Variants in IQCK observed in about 807,000 individuals in gnomAD.
IQCK encodes the protein IQ domain-containing protein K.
In IQCK, 29 loss-of-function variants were observed where a neutral mutation model predicts 28.1. The observed-to-expected ratio is 1.03, with a 90% CI of 0.77 to 1.41. IQCK has a LOEUF of 1.41. Ranked by LOEUF, IQCK falls within the 40% of genes most tolerant of loss-of-function variation. The probability of loss-of-function intolerance (pLI) is 0.00; values close to 1 mark genes in which losing one functional copy is unlikely to be tolerated. For synonymous variants in IQCK, 113 were observed against 115.1 expected, an observed-to-expected ratio of 0.98 and a Z score of 0.12; for missense variants, 359 against 314.7, an observed-to-expected ratio of 1.14 and a Z score of -1.07.
At chr16:19,745,571 G>A (rs746771945) in intron 4 of IQCK, among the ~76,000 whole-genome samples, 23 of 152,176 alleles carry the variant, frequency 1.5e-4, no homozygotes, top group Admixed American at 2.0e-4. Context: ...TCATAGCATT[G>A]TATAGTGTGC....
chr16:19,727,130 C>CA (rs540006290), intron 1 of IQCK, among the ~76,000 whole-genome samples: 2,880 of 98,834 alleles, frequency 0.029, 61 homozygotes, highest in African/African-American at 0.078. Context: ...GACTCGGTCT[C>CA]AAAAAAAAAA....
intron 1 of IQCK, 134 bp downstream of exon 1, chr16:19,718,621 C>G (rs1699441293): frequency 1.3e-6 from 1 of 744,758 alleles, no homozygotes; most frequent in African/African-American, 1.9e-5. Flanking sequence ...GCCCGGGCTC[C>G]GCATTTTACG....
At chr16:19,785,157 A>G (rs1051068154) in intron 6 of IQCK, among the ~76,000 whole-genome samples, 27 of 152,226 alleles carry the variant, frequency 1.8e-4, no homozygotes, top group African/African-American at 6.3e-4. Context: ...CCCAAGGTGC[A>G]TTTGAGCAAA....
intron 4 of IQCK, among the ~76,000 whole-genome samples, chr16:19,760,533 AAT>A (rs2055122496): frequency 6.6e-6 from 1 of 152,204 alleles, no homozygotes; most frequent in Non-Finnish European, 1.5e-5. Context: ...TCCCGTTTCC[AAT>A]ACAGTCATAT....
chr16:19,777,281 G>C (rs1474989104), intron 6 of IQCK, among the ~76,000 whole-genome samples: 1 of 152,142 alleles, frequency 6.6e-6, no homozygotes, highest in Non-Finnish European at 1.5e-5. Flanking sequence ...AAACAAAAGT[G>C]TCACTGTGTC....
intron 4 of IQCK, among the ~76,000 whole-genome samples, chr16:19,757,899 A>G (rs2055074932): frequency 6.6e-6 from 1 of 152,130 alleles, no homozygotes; most frequent in Admixed American, 6.5e-5. Flanking sequence ...CCATCCCTCT[A>G]TTCATTCATC....
At chr16:19,728,609 T>C (rs189316108) in intron 1 of IQCK, among the ~76,000 whole-genome samples, 2 of 152,320 alleles carry the variant, frequency 1.3e-5, no homozygotes, top group Non-Finnish European at 2.9e-5. Flanking sequence ...CTTGGAAAAG[T>C]ATCCCAACCC....
intron 4 of IQCK, among the ~76,000 whole-genome samples, chr16:19,750,891 G>T (rs1479056706): frequency 1.3e-5 from 2 of 152,216 alleles, no homozygotes; most frequent in African/African-American, 4.8e-5. Context: ...AGGACAGTCT[G>T]CGAGGAAGAG....
At chr16:19,852,397 C>T (rs958074958) in intron 9 of IQCK, among the ~76,000 whole-genome samples, 1 of 149,594 alleles carries the variant, frequency 6.7e-6, no homozygotes, top group Non-Finnish European at 1.5e-5. Context: ...CGAGACCTCT[C>T]TACAACATTT....
At chr16:19,755,640 A>G (rs893239641) in intron 4 of IQCK, among the ~76,000 whole-genome samples, 2 of 152,178 alleles carry the variant, frequency 1.3e-5, no homozygotes, top group African/African-American at 2.4e-5. Context: ...CTGTAGCCTC[A>G]CCTGTGCCCT....
chr16:19,834,240 G>A (rs1037956938), intron 9 of IQCK, among the ~76,000 whole-genome samples: 11 of 152,178 alleles, frequency 7.2e-5, no homozygotes, highest in Non-Finnish European at 8.8e-5. Flanking sequence ...ACTACACTAA[G>A]CACCTTATGT....
intron 9 of IQCK, among the ~76,000 whole-genome samples, chr16:19,844,766 C>T (rs1345374317): frequency 6.6e-6 from 1 of 152,042 alleles, no homozygotes; most frequent in Non-Finnish European, 1.5e-5. Flanking sequence ...CAACAACAAA[C>T]ACCTTACCAA....
intron 6 of IQCK, among the ~76,000 whole-genome samples, chr16:19,784,016 TA>T (rs1356511923): frequency 6.6e-6 from 1 of 152,076 alleles, no homozygotes; most frequent in African/African-American, 2.4e-5. Flanking sequence ...AAAACATACT[TA>T]AAGCAGGAAA....
intron 7 of IQCK, among the ~76,000 whole-genome samples, chr16:19,806,661 C>T (rs185690455): frequency 0.011 from 1,728 of 151,998 alleles, 37 homozygotes; most frequent in Non-Finnish European, 0.013. Context: ...TGCATTCCAG[C>T]CTGGGTGACA....
exon 10 of IQCK, chr16:19,857,806 T>C (rs1393546902): frequency 6.4e-6 from 1 of 155,500 alleles, no homozygotes; most frequent in Non-Finnish European, 1.4e-5. Flanking sequence ...TCTTCAACTC[T>C]GGAATCCCTG....
At chr16:19,857,459 CAACA>C (rs750228580) in exon 10 of IQCK, 1 of 441,360 alleles carries the variant, frequency 2.3e-6, no homozygotes, top group South Asian at 1.7e-5. Context: ...TATAAGTATG[CAACA>C]GTCAGCCGGG....
rs1427427632 is a variant in IQCK, at chr16:19,741,606, A to G, written c.474+6156A>G. Reference sequence around the variant, plus strand: ...ACTAAATGAAAACAGTCTAGATGTCAGATGCTCCAGGGTGCTTGAACAGAG... The same window carrying G: ...ACTAAATGAAAACAGTCTAGATGTCGGATGCTCCAGGGTGCTTGAACAGAG... On this transcript the variant is annotated intron_variant, in intron 4 of 7. Coordinates refer to ENST00000564186, the Ensembl canonical transcript of IQCK. Among the ~76,000 whole-genome samples the G allele has an allele frequency of 2.6e-5, 4 of 152,364 alleles. No homozygotes were observed. In the East Asian group the frequency reaches 7.7e-4, roughly 29 times the overall value.
intron 4 of IQCK, among the ~76,000 whole-genome samples, chr16:19,748,632 C>G (rs1426197903): frequency 6.6e-6 from 1 of 152,136 alleles, no homozygotes; most frequent in Non-Finnish European, 1.5e-5. Flanking sequence ...TGCTATTCCC[C>G]ATGGCCTCTT....
rs929138564 is a variant in IQCK at position 19,819,007 on chromosome 16, G to A, written c.691-8019G>A. On this transcript the variant is annotated intron_variant, in intron 7 of 7. Transcript: ENST00000564186. ...TGGGAGGAAAGGGATTGAGATCACC[G>A]CAATCCCAATATTTCTCCCCAAGTT... is the stretch of plus-strand genomic sequence containing the variant. Among the ~76,000 whole-genome samples, 8 of 152,232 alleles carry A rather than the reference G, an allele frequency of 5.3e-5. No individual in the cohort carries two copies. In the South Asian group the frequency reaches 8.3e-4, roughly 16 times the overall value.
Sources: gnomAD v4.1 joint callset for allele counts (sites outside exome capture counted in the v4.1 genomes callset) on GRCh38, gnomAD v4.1.1 for gene constraint, MANE v1.5 for transcripts, NCBI Gene and HGNC (gene_info 2026-07-23, HGNC 2026-07-21) for gene names.